Variants in ELOVL7 observed in about 807,000 individuals in gnomAD.
ELOVL7 encodes the protein ELOVL fatty acid elongase 7.
ELOVL7 carries 27 observed loss-of-function variants against 35.7 expected under a neutral mutation model. The observed-to-expected ratio is 0.76, with a 90% CI of 0.56 to 1.04. ELOVL7 has a LOEUF of 1.04. Ranked by LOEUF, ELOVL7 falls within the 50% of genes least tolerant of loss-of-function variation. The pLI, the probability that ELOVL7 is intolerant of heterozygous loss-of-function variation, is 0.00. For missense variants in ELOVL7, 327 were observed against 340.8 expected (o/e 0.96, Z 0.32); for synonymous variants, 113 against 114.6 (o/e 0.99, Z 0.09).
intron 1 of ELOVL7, among the ~76,000 whole-genome samples, chr5:60,840,571 G>C (rs758606774): frequency 3.9e-5 from 6 of 152,188 alleles, no homozygotes; most frequent in Non-Finnish European, 8.8e-5. Flanking sequence ...TACCCAGTTG[G>C]TGGTACTTTG....
chr5:60,761,699 A>G (rs6871928), intron 7 of ELOVL7, among the ~76,000 whole-genome samples: 41,815 of 152,032 alleles, frequency 0.28, 9,569 homozygotes, highest in African/African-American at 0.63. Context: ...TGATCGTAGC[A>G]GAATTGGGGG....
intron 3 of ELOVL7, among the ~76,000 whole-genome samples, chr5:60,783,354 C>T (rs1439438807): frequency 6.6e-6 from 1 of 152,190 alleles, no homozygotes; most frequent in Non-Finnish European, 1.5e-5. Flanking sequence ...ATTAGCTCTC[C>T]CTTACTGAGC....
At chr5:60,834,076 C>A (rs190201287) in intron 1 of ELOVL7, among the ~76,000 whole-genome samples, 3 of 152,168 alleles carry the variant, frequency 2.0e-5, no homozygotes, top group Admixed American at 2.0e-4. Flanking sequence ...TATATTTTTG[C>A]TTTCAGTTTT....
At chr5:60,796,272 T>A (rs983286813) in intron 2 of ELOVL7, among the ~76,000 whole-genome samples, 5 of 152,236 alleles carry the variant, frequency 3.3e-5, no homozygotes, top group Non-Finnish European at 5.9e-5. Context: ...TCAAAGAGGC[T>A]GTGAGGCTGG....
chr5:60,754,296 T>C lies in ELOVL7; in HGVS notation c.*328A>G. ...TACCTAATGATATTTTTCATCTTTA[T>C]TGGACTTCTTTGAAGAGTACTGTAT... On this transcript the variant is annotated 3_prime_UTR_variant, in exon 9 of 9. Transcript: ENST00000508821. 1 of 217,368 alleles carries C rather than the reference T, an allele frequency of 4.6e-6. No homozygotes were observed. The highest frequency in any genetic ancestry group is 9.3e-6 in the Non-Finnish European group (1 of 107,884). 13.5% of individuals were successfully genotyped at this position (217,368 alleles called of 1,614,324 possible). A position where few individuals can be genotyped will look rare whatever the true frequency, so the allele number is the denominator to read the frequency against.
intron 1 of ELOVL7, among the ~76,000 whole-genome samples, chr5:60,804,271 C>G (rs978597045): frequency 6.6e-6 from 1 of 152,188 alleles, no homozygotes; most frequent in African/African-American, 2.4e-5. Flanking sequence ...GCCTCTGAAT[C>G]TAAGCAGAGC....
intron 1 of ELOVL7, among the ~76,000 whole-genome samples, chr5:60,842,904 C>T (rs1354641748): frequency 1.3e-5 from 2 of 151,120 alleles, no homozygotes; most frequent in Non-Finnish European, 3.0e-5. Flanking sequence ...ATGTCTGCCA[C>T]GGGGTGAGGG....
At position 60,754,902 on chromosome 5, in the gene ELOVL7, T is replaced by C. The variant is rs182320358; in HGVS notation, c.637-69A>G. Reference sequence around the variant, plus strand: ...GTTAACAATTCTTTACCTACCTATGTTTATGCACTCCCAAAGTGCAGGGAG... The same window carrying C: ...GTTAACAATTCTTTACCTACCTATGCTTATGCACTCCCAAAGTGCAGGGAG... On this transcript the variant is annotated intron_variant, in intron 8 of 8. Coordinates refer to ENST00000508821, the MANE Select transcript of ELOVL7 (RefSeq NM_024930.3). The C allele has an allele frequency of 4.3e-4, 567 of 1,332,830 alleles. 5 individuals are homozygous for C. In the African/African-American group the frequency reaches 7.6e-3, roughly 18 times the overall value. The allele number at this position is 1,332,830 out of a possible 1,614,324, so 82.6% of individuals were successfully genotyped here. A position where few individuals can be genotyped will look rare whatever the true frequency, so the allele number is the denominator to read the frequency against.
chr5:60,798,250 C>T (rs917600268), intron 2 of ELOVL7, among the ~76,000 whole-genome samples: 6 of 152,066 alleles, frequency 3.9e-5, no homozygotes, highest in East Asian at 1.9e-4. Context: ...TCTGGGTTTA[C>T]GGAAGTATTG....
chr5:60,754,741 C>G lies in ELOVL7; in HGVS notation c.729G>C (p.Met243Ile), dbSNP rs745992984. The part of the protein sequence containing the change: ...YQFPVFACII[M>I]SYSFMFLLLF... ...GCAGCAGAAACATGAAACTGTAACT[C>G]ATAATGATGCACGCAAAGACTGGAA... The change falls in exon 9 of 9, where the codon ATG becomes ATC. Residue 243 changes from methionine (M) to isoleucine (I), a missense_variant. Coordinates refer to ENST00000508821, the MANE Select transcript of ELOVL7 (RefSeq NM_024930.3). 20 of 1,613,990 alleles carry G rather than the reference C, an allele frequency of 1.2e-5. No homozygotes were observed. The Admixed American group carries it at 3.3e-4, about 27-fold the overall frequency.
intron 3 of ELOVL7, among the ~76,000 whole-genome samples, chr5:60,776,428 AC>A (rs1742908178): frequency 6.6e-6 from 1 of 152,238 alleles, no homozygotes; most frequent in Non-Finnish European, 1.5e-5. Context: ...TTGCATGTTC[AC>A]TGCAGGACTA....
intron 3 of ELOVL7, among the ~76,000 whole-genome samples, chr5:60,777,369 TA>T (rs1487914499): frequency 2.6e-5 from 4 of 151,788 alleles, no homozygotes; most frequent in Non-Finnish European, 4.4e-5. Context: ...ACCTACTATT[TA>T]CCCGCAAAAA....
At chr5:60,784,425 T>C (rs1043856095) in intron 3 of ELOVL7, among the ~76,000 whole-genome samples, 1 of 152,208 alleles carries the variant, frequency 6.6e-6, no homozygotes, top group Non-Finnish European at 1.5e-5. Context: ...ACCATAGCAT[T>C]ATTTCAAACT....
intron 7 of ELOVL7, among the ~76,000 whole-genome samples, chr5:60,759,600 C>T (rs1741756655): frequency 5.6e-5 from 7 of 124,344 alleles, no homozygotes. Flanking sequence ...TAGAGGCGTG[C>T]CTATTTTCTT....
chr5:60,762,923 A>G (rs540493949), intron 7 of ELOVL7, among the ~76,000 whole-genome samples: 177 of 152,328 alleles, frequency 1.2e-3, no homozygotes, highest in African/African-American at 4.0e-3. Flanking sequence ...ACAAACACCA[A>G]TAAGTGTCAA....
chr5:60,772,966 T>C (rs1483388975), intron 3 of ELOVL7, among the ~76,000 whole-genome samples: 2 of 152,216 alleles, frequency 1.3e-5, no homozygotes, highest in Non-Finnish European at 2.9e-5. Context: ...GAACATCCTC[T>C]AAGTAGCTAA....
In ELOVL7 at chr5:60,772,028, A is replaced by T. The variant is rs140094024; in HGVS notation, c.130T>A (p.Tyr44Asn). ...CCCAAGGAAGTGACAAAATAGACAT[A>T]GAATCCTAGGAGGATGGTTTGTGGC... ...PLPQTILLGFYVYFVTSLGPK... is the reference protein window; with the variant it reads ...PLPQTILLGFNVYFVTSLGPK... The change falls in exon 4 of 9, where the codon TAT becomes AAT. Residue 44 changes from tyrosine to asparagine, a missense_variant. Physicochemically the swap from Tyr to Asn is moderately radical, Grantham distance 143. Transcript: ENST00000508821. The T allele has an allele frequency of 5.6e-6, 9 of 1,613,588 alleles. No homozygotes were observed. In the African/African-American group the frequency reaches 1.2e-4, roughly 22 times the overall value.
chr5:60,790,873 T>A (rs981118925), intron 2 of ELOVL7, among the ~76,000 whole-genome samples: 3 of 152,208 alleles, frequency 2.0e-5, no homozygotes, highest in Admixed American at 6.5e-5. Context: ...AAATAATATA[T>A]ATTTGTAAGG....
chr5:60,817,547 C>A (rs1172408553), intron 1 of ELOVL7, among the ~76,000 whole-genome samples: 4 of 148,670 alleles, frequency 2.7e-5, no homozygotes. Flanking sequence ...AACTATAAAA[C>A]AAATGGTGTG....
Sources: gnomAD v4.1 joint callset for allele counts (sites outside exome capture counted in the v4.1 genomes callset) on GRCh38, gnomAD v4.1.1 for gene constraint, MANE v1.5 for transcripts, NCBI Gene and HGNC (gene_info 2026-07-23, HGNC 2026-07-21) for gene names.